Variants in NEK1 observed in about 807,000 individuals in gnomAD.
The protein encoded by NEK1 is serine/threonine-protein kinase Nek1.
Under a neutral mutation model 182.1 loss-of-function variants are expected in NEK1, and 137 were observed. That is an observed-to-expected ratio of 0.75 (90% CI 0.65 to 0.87). The LOEUF (loss-of-function observed/expected upper bound fraction) is 0.87, where lower values mean the gene tolerates loss of function less well. NEK1 is among the 40% of genes least tolerant of loss of function. NEK1 has a pLI of 0.00. For synonymous variants in NEK1, 513 were observed against 492.2 expected, an observed-to-expected ratio of 1.04 and a Z score of -0.56; for missense variants, 1,391 against 1,494.4, an observed-to-expected ratio of 0.93 and a Z score of 1.14.
At chr4:169,468,170 G>A (rs1232282312) in intron 26 of NEK1, among the ~76,000 whole-genome samples, 1 of 152,090 alleles carries the variant, frequency 6.6e-6, no homozygotes. Flanking sequence ...AGCCAGAGGT[G>A]AGAGATTAGG....
chr4:169,448,468 C>G (rs1306195435), intron 27 of NEK1, among the ~76,000 whole-genome samples: 1 of 151,610 alleles, frequency 6.6e-6, no homozygotes, highest in African/African-American at 2.4e-5. Flanking sequence ...AAATAAAAAG[C>G]AAGAAATTAA....
intron 31 of NEK1, among the ~76,000 whole-genome samples, chr4:169,423,841 T>C (rs1227887707): frequency 6.6e-6 from 1 of 152,198 alleles, no homozygotes; most frequent in Non-Finnish European, 1.5e-5. Context: ...TGTAGTTATT[T>C]ATGATGATAT....
intron 12 of NEK1, among the ~76,000 whole-genome samples, chr4:169,567,432 G>A (rs187418539): frequency 9.4e-4 from 142 of 150,334 alleles, no homozygotes; most frequent in Middle Eastern, 6.8e-3. Context: ...ACACAGTCTC[G>A]CTCTGTCACC....
intron 23 of NEK1, among the ~76,000 whole-genome samples, chr4:169,503,198 C>G (rs1752685847): frequency 6.6e-6 from 1 of 151,990 alleles, no homozygotes. Context: ...ACAAGGAGAA[C>G]TACAAAACAC....
chr4:169,407,233 C>T (rs1732806890), intron 31 of NEK1, among the ~76,000 whole-genome samples: 1 of 152,182 alleles, frequency 6.6e-6, no homozygotes, highest in African/African-American at 2.4e-5. Context: ...CTATGGTCAA[C>T]TTGCCCCACA....
chr4:169,491,369 G>A (rs1270870750), intron 23 of NEK1, among the ~76,000 whole-genome samples: 1 of 151,968 alleles, frequency 6.6e-6, no homozygotes, highest in Non-Finnish European at 1.5e-5. Context: ...AGGGAGAAGA[G>A]CATCAAGCAA....
Position 169,537,834 on chromosome 4 carries a change from T to C in NEK1, c.1640A>G (p.Asn547Ser). The change falls in exon 19 of 36, where the codon AAT (asparagine) becomes AGT (serine). Residue 547 changes from asparagine to serine, a missense_variant. By Grantham distance (46) the Asn-to-Ser change is conservative (BLOSUM62 1). Coordinates refer to ENST00000507142, the MANE Select transcript of NEK1 (RefSeq NM_001199397.3). Reference protein sequence around the residue: ...FLQRKREAMQNKARAEGHMGI... With the variant: ...FLQRKREAMQSKARAEGHMGI... The stretch of plus-strand genomic sequence containing the variant: ...CATATGTCCTTCGGCTCGAGCTTTA[T>C]TCTGCATAGCTTCCCGTTTTCGCTG... 6.2e-7 allele frequency: 1 copy of C among 1,613,010 alleles called. No individual in the cohort carries two copies.
At chr4:169,550,849 C>T (rs1761319118) in intron 18 of NEK1, among the ~76,000 whole-genome samples, 1 of 152,184 alleles carries the variant, frequency 6.6e-6, no homozygotes, top group Non-Finnish European at 1.5e-5. Flanking sequence ...GCCACTTTTG[C>T]TATTCTGAGC....
At chr4:169,538,610 T>C (rs751365472) in intron 18 of NEK1, among the ~76,000 whole-genome samples, 3 of 152,170 alleles carry the variant, frequency 2.0e-5, no homozygotes, top group Non-Finnish European at 4.4e-5. Flanking sequence ...TTGCTAAGTA[T>C]GGAAGATACA....
At chr4:169,560,375 C>T (rs939306680) in intron 16 of NEK1, among the ~76,000 whole-genome samples, 2 of 152,186 alleles carry the variant, frequency 1.3e-5, no homozygotes, top group Non-Finnish European at 2.9e-5. Context: ...TACTGTTTTG[C>T]CACATGAATG....
intron 23 of NEK1, among the ~76,000 whole-genome samples, chr4:169,486,229 T>C (rs1235869630): frequency 6.6e-6 from 1 of 152,214 alleles, no homozygotes; most frequent in Non-Finnish European, 1.5e-5. Flanking sequence ...AATTTAAGGC[T>C]TTTCAACATT....
intron 8 of NEK1, among the ~76,000 whole-genome samples, chr4:169,588,156 G>A (rs116000926): frequency 0.012 from 1,831 of 152,174 alleles, 31 homozygotes; most frequent in African/African-American, 0.041. Flanking sequence ...GGGCTTGGGA[G>A]CCAGATGTCT....
intron 31 of NEK1, among the ~76,000 whole-genome samples, chr4:169,414,414 C>A (rs1181945117): frequency 6.6e-6 from 1 of 151,418 alleles, no homozygotes; most frequent in Non-Finnish European, 1.5e-5. Flanking sequence ...TATCCAATAA[C>A]CCTATATAGA....
chr4:169,406,470 A>C (rs1732635976), intron 32 of NEK1, 126 bp downstream of exon 32: 2 of 594,260 alleles, frequency 3.4e-6, no homozygotes, highest in Admixed American at 3.9e-5. Context: ...GATAAAAATA[A>C]TATACAGAAG....
intron 19 of NEK1, among the ~76,000 whole-genome samples, chr4:169,521,527 TC>T (rs955805270): frequency 2.0e-5 from 3 of 152,176 alleles, no homozygotes; most frequent in Non-Finnish European, 4.4e-5. Context: ...TCTTGGTTCC[TC>T]CCCCTGCAAT....
At chr4:169,441,605 A>G (rs555899915) in intron 27 of NEK1, among the ~76,000 whole-genome samples, 24 of 152,328 alleles carry the variant, frequency 1.6e-4, no homozygotes, top group African/African-American at 4.6e-4. Flanking sequence ...ACAGGGCTTG[A>G]AGACAGACCC....
At chr4:169,427,319 AGTT>A (rs1736571207) in intron 29 of NEK1, among the ~76,000 whole-genome samples, 1 of 151,722 alleles carries the variant, frequency 6.6e-6, no homozygotes. Flanking sequence ...GTAGAGACAG[AGTT>A]TCATCGTGTT....
intron 16 of NEK1, among the ~76,000 whole-genome samples, chr4:169,556,526 A>G (rs747894625): frequency 3.3e-5 from 5 of 152,098 alleles, no homozygotes; most frequent in Non-Finnish European, 2.9e-5. Context: ...TATACCCCAA[A>G]TCTTTAAATT....
At position 169,400,445 on chromosome 4, in the gene NEK1, C is replaced by G; in HGVS notation, c.3714+76G>C. 2.7e-6 allele frequency: 4 copies of G among 1,477,224 alleles called. No homozygotes were observed. The Admixed American group carries it at 9.5e-5, about 35-fold the overall frequency. 91.5% of individuals were successfully genotyped at this position (1,477,224 alleles called of 1,614,324 possible). On this transcript the variant is annotated intron_variant, in intron 34 of 35. Coordinates refer to ENST00000507142, the MANE Select transcript of NEK1 (RefSeq NM_001199397.3). ...TTTTTATTTATAATAAATCTAATGA[C>G]CAATACAGATTATCAACATTTCTTC...
Sources: gnomAD v4.1 joint callset for allele counts (sites outside exome capture counted in the v4.1 genomes callset) on GRCh38, gnomAD v4.1.1 for gene constraint, MANE v1.5 for transcripts, NCBI Gene and HGNC (gene_info 2026-07-23, HGNC 2026-07-21) for gene names.